The following CDH23 variants were observed in gnomAD, a reference collection of about 807,000 sequenced individuals.
CDH23 encodes the protein cadherin-23.
In CDH23, 189 loss-of-function variants were observed where a neutral mutation model predicts 317.1. The ratio of observed to expected loss-of-function variants is 0.60; its 90% CI spans 0.53 to 0.67. The LOEUF (loss-of-function observed/expected upper bound fraction) is 0.67. CDH23 is among the 30% of genes least tolerant of loss of function. The pLI is 0.00. For missense variants in CDH23, 4,401 were observed against 4,592.4 expected, an observed-to-expected ratio of 0.96 and a Z score of 1.20; for synonymous variants, 1,839 against 1,876.8, an observed-to-expected ratio of 0.98 and a Z score of 0.52.
chr10:71,807,986 G>A lies in CDH23; in HGVS notation c.8701G>A (p.Val2901Met), dbSNP rs779145048. ...GGCCCTTGCCAACGACTCTGAAGAT[G>A]TGGGCCAGGTCTTCACCATGGGTAG... ...FRALANDSEDVGQVFTMGSMD... is the reference protein window; with the variant it reads ...FRALANDSEDMGQVFTMGSMD... Residue 2901 changes from valine to methionine, a missense_variant, in exon 60 of 70, where the codon GTG becomes ATG. Physicochemically the swap from Val to Met is conservative, Grantham distance 21. Around this residue, in one of 3 missense-constraint regions of CDH23, gnomAD observed 1,144 missense variants for 1,138.2 expected, o/e 1.01. Coordinates refer to ENST00000224721, the MANE Select transcript of CDH23 (RefSeq NM_022124.6). The A allele has an allele frequency of 1.3e-6, 2 of 1,592,278 alleles. No homozygotes were observed. The highest frequency in any genetic ancestry group is 1.7e-6 in the Non-Finnish European group (2 of 1,168,884).
At chr10:71,488,980 G>A (rs1018155425) in intron 3 of CDH23, among the ~76,000 whole-genome samples, 1 of 152,202 alleles carries the variant, frequency 6.6e-6, no homozygotes, top group East Asian at 1.9e-4. Context: ...GTACCTTGAA[G>A]GTAGTCTGTT....
In CDH23 at chr10:71,740,883, TC is replaced by T. The variant is rs1344063950; in HGVS notation, c.4552del (p.Leu1518TrpfsTer20). 1.2e-6 allele frequency: 2 copies of T among 1,613,938 alleles called. No individual in the cohort carries two copies. The highest frequency in any genetic ancestry group is 2.2e-5 in the South Asian group (2 of 91,084). On this transcript the variant is annotated frameshift_variant, in exon 37 of 70. Coordinates refer to ENST00000224721, the MANE Select transcript of CDH23 (RefSeq NM_022124.6). LOFTEE classifies it high-confidence loss of function. ...AAGGACCACATCCTGCAGGTGACCA[TC>T]CTGGACATCAATGACAACCCTCCAG... ...RKKDHILQVT[I>X]LDINDNPPVI...
Position 71,740,853 on chromosome 10 carries a change from G to C in CDH23, c.4520G>C (p.Arg1507Pro), listed in dbSNP as rs373480195. 1 of 1,613,652 alleles carries C rather than the reference G, an allele frequency of 6.2e-7. No homozygotes were observed. Among genetic ancestry groups the C allele is most frequent in the African/African-American group, 1.3e-5 (1 of 74,912 alleles). Residue 1507 changes from arginine to proline, a missense_variant, in exon 37 of 70, where the codon CGG (arginine) becomes CCG (proline). Arg to Pro is a moderately radical substitution (Grantham distance 103, BLOSUM62 -2). This residue lies in a region of CDH23 where 3,068 missense variants were observed against 3,203.3 expected (regional missense o/e 0.96). Transcript: ENST00000224721. The part of the protein sequence containing the change: ...VVASDRGTPP[R>P]KKDHILQVTI... ...GCTTCTGACCGAGGCACCCCTCCAC[G>C]GAAGAAGGACCACATCCTGCAGGTG...
chr10:71,814,962 CTG>C lies in CDH23; in HGVS notation c.9750_9751del (p.Glu3251AlafsTer14). 6.2e-7 allele frequency: 1 copy of C among 1,611,056 alleles called. No homozygotes were observed. On this transcript the variant is annotated frameshift_variant, in exon 70 of 70. Coordinates refer to ENST00000224721, the MANE Select transcript of CDH23 (RefSeq NM_022124.6). LOFTEE classifies it high-confidence loss of function. ...CCCGGCCTCTTGCAGCTGATACAGA[CTG>C]AGCTGGACGAGGAGCCAGGAGACCA...
chr10:71,618,099 A>G (rs1289641894), intron 11 of CDH23, among the ~76,000 whole-genome samples: 1 of 152,200 alleles, frequency 6.6e-6, no homozygotes, highest in Admixed American at 6.5e-5. Flanking sequence ...TCCTGTTCAA[A>G]TAATGACCTT....
chr10:71,754,302 G>A (rs994110344), intron 38 of CDH23, among the ~76,000 whole-genome samples: 12 of 150,424 alleles, frequency 8.0e-5, no homozygotes, highest in African/African-American at 1.5e-4. Flanking sequence ...CACAGCCCCC[G>A]AGTGACCCAC....
chr10:71,484,300 A>C (rs559441297), intron 3 of CDH23, among the ~76,000 whole-genome samples: 1 of 152,308 alleles, frequency 6.6e-6, no homozygotes, highest in Non-Finnish European at 1.5e-5. Flanking sequence ...GACAGGGCCA[A>C]AGTGCTTGCA....
Position 71,815,487 on chromosome 10 carries a change from C to A in CDH23, c.*209C>A. 1 of 465,198 alleles carries A rather than the reference C, an allele frequency of 2.1e-6. No homozygotes were observed. Among genetic ancestry groups the A allele is most frequent in the Non-Finnish European group, 3.8e-6 (1 of 264,774 alleles). The allele number at this position is 465,198 out of a possible 1,614,324, so 28.8% of individuals were successfully genotyped here. On this transcript the variant is annotated 3_prime_UTR_variant, in exon 70 of 70. Coordinates refer to ENST00000224721, the MANE Select transcript of CDH23 (RefSeq NM_022124.6). The stretch of plus-strand genomic sequence containing the variant: ...CATCTGACCTCTACCTTCATAAGAT[C>A]TGTTATTTTTATAAGAAAACCAAAC...
chr10:71,494,352 A>G (rs1018229541), intron 3 of CDH23, among the ~76,000 whole-genome samples: 2 of 152,082 alleles, frequency 1.3e-5, no homozygotes, highest in Non-Finnish European at 2.9e-5. Flanking sequence ...GGTGTGTAGG[A>G]TGTGACTCCA....
chr10:71,639,839 C>A (rs1472616196), intron 11 of CDH23, among the ~76,000 whole-genome samples: 1 of 152,168 alleles, frequency 6.6e-6, no homozygotes, highest in Non-Finnish European at 1.5e-5. Context: ...ACTGGAATAT[C>A]TCTCTCTCAC....
chr10:71,708,370 AGCTGG>A (rs1208015282), intron 26 of CDH23, among the ~76,000 whole-genome samples: 1 of 152,154 alleles, frequency 6.6e-6, no homozygotes, highest in South Asian at 2.1e-4. Context: ...CTCACCACAA[AGCTGG>A]TGCCGTGGCG....
chr10:71,493,435 C>T (rs1247222888), intron 3 of CDH23, among the ~76,000 whole-genome samples: 1 of 152,174 alleles, frequency 6.6e-6, no homozygotes, highest in South Asian at 2.1e-4. Context: ...AACTCATTTG[C>T]TCATCTGTCC....
chr10:71,483,647 G>C (rs56110422), intron 3 of CDH23, among the ~76,000 whole-genome samples: 15 of 152,158 alleles, frequency 9.9e-5, no homozygotes, highest in African/African-American at 3.4e-4. Flanking sequence ...GGCCTTCGCC[G>C]TCCTAAGGGC....
intron 3 of CDH23, among the ~76,000 whole-genome samples, chr10:71,500,397 C>G (rs1053771360): frequency 6.6e-6 from 1 of 152,240 alleles, no homozygotes; most frequent in Non-Finnish European, 1.5e-5. Context: ...TAGCCTGTCC[C>G]CATCAGTGCA....
intron 6 of CDH23, among the ~76,000 whole-genome samples, chr10:71,559,703 A>G (rs1857032483): frequency 6.6e-6 from 1 of 152,200 alleles, no homozygotes; most frequent in Admixed American, 6.5e-5. Context: ...TCCTCGAGCC[A>G]TGTCAGGGTG....
rs771749989 is a variant in CDH23, at chr10:71,702,092, T to C, written c.2468T>C (p.Phe823Ser). Residue 823 changes from phenylalanine (F) to serine (S), a missense_variant, in exon 23 of 70, where the codon TTC becomes TCC. This residue lies in a region of CDH23 where 3,068 missense variants were observed against 3,203.3 expected (regional missense o/e 0.96). Transcript: ENST00000224721. ...LVYSIQPPNK[F>S]YSLNSTTGKI... ...TACAGCATCCAGCCACCCAACAAGT[T>C]CTACAGCCTCAACAGCACCACGGGC... The C allele has an allele frequency of 1.1e-5, 18 of 1,613,746 alleles. No individual in the cohort carries two copies. Among genetic ancestry groups the C allele is most frequent in the Non-Finnish European group, 1.4e-5 (16 of 1,179,878 alleles).
At chr10:71,501,603 C>G (rs79906169) in intron 3 of CDH23, among the ~76,000 whole-genome samples, 1 of 152,156 alleles carries the variant, frequency 6.6e-6, no homozygotes, top group Non-Finnish European at 1.5e-5. Context: ...CCCCTGAGGT[C>G]AAACCAAGTT....
chr10:71,738,573 C>T lies in CDH23; in HGVS notation c.4285C>T (p.Pro1429Ser), dbSNP rs555232051. ...DFTSDSAVSI[P>S]EDCPVGQRVA... ...CACCTCCGACTCGGCGGTCAGCATA[C>T]CCGAGGACTGCCCTGTGGGCCAGCG... The change falls in exon 35 of 70, where the codon CCC becomes TCC. Residue 1429 changes from proline to serine, a missense_variant. This residue lies in a region of CDH23 where 3,068 missense variants were observed against 3,203.3 expected (regional missense o/e 0.96). Transcript: ENST00000224721. The T allele has an allele frequency of 1.2e-6, 2 of 1,613,928 alleles. No individual in the cohort carries two copies. Among genetic ancestry groups the T allele is most frequent in the African/African-American group, 2.7e-5 (2 of 75,072 alleles).
chr10:71,507,386 A>G (rs1277812718), intron 3 of CDH23, among the ~76,000 whole-genome samples: 5 of 152,226 alleles, frequency 3.3e-5, no homozygotes, highest in Non-Finnish European at 7.3e-5. Flanking sequence ...TATCTTTACA[A>G]ATAAATTAAA....
Sources: allele counts gnomAD v4.1 joint callset (sites outside exome capture counted in the v4.1 genomes callset), GRCh38; gene constraint gnomAD v4.1.1; regional missense constraint gnomAD v4.1.1; transcripts MANE v1.5; gene names NCBI Gene and HGNC (gene_info 2026-07-23, HGNC 2026-07-21).